Variants in FRY observed in about 807,000 individuals in gnomAD.
FRY encodes the protein FRY microtubule binding protein, also known as protein furry homolog.
A neutral mutation model predicts 348.4 loss-of-function variants in FRY; 128 were observed. The ratio of observed to expected loss-of-function variants is 0.37; its 90% CI spans 0.32 to 0.43. The LOEUF (loss-of-function observed/expected upper bound fraction) is 0.43, where lower values mean the gene tolerates loss of function less well. FRY is among the 20% of genes least tolerant of loss of function. The pLI, the probability that FRY is intolerant of heterozygous loss-of-function variation, is 1.00. For missense variants in FRY, 2,736 were observed against 3,695.2 expected, an observed-to-expected ratio of 0.74 and a Z score of 6.73; for synonymous variants, 1,370 against 1,374.7, an observed-to-expected ratio of 1.00 and a Z score of 0.08.
At chr13:32,208,536 C>T (rs1884489895) in intron 31 of FRY, among the ~76,000 whole-genome samples, 2 of 152,216 alleles carry the variant, frequency 1.3e-5, no homozygotes, top group South Asian at 4.1e-4. Flanking sequence ...ACATGCCCTT[C>T]TAACTCCAAG....
intron 7 of FRY, among the ~76,000 whole-genome samples, chr13:32,127,785 A>G (rs1198594929): frequency 6.6e-6 from 1 of 152,222 alleles, no homozygotes; most frequent in African/African-American, 2.4e-5. Flanking sequence ...TCTCAAAAAA[A>G]AAAGTAAAAG....
intron 2 of FRY, among the ~76,000 whole-genome samples, chr13:32,095,721 C>A (rs1876658796): frequency 6.6e-6 from 1 of 152,192 alleles, no homozygotes; most frequent in Non-Finnish European, 1.5e-5. Flanking sequence ...TGGGGTACTA[C>A]TCAAGAAAAT....
intron 58 of FRY, among the ~76,000 whole-genome samples, chr13:32,287,211 A>G (rs1398266768): frequency 6.6e-6 from 1 of 152,068 alleles, no homozygotes; most frequent in Non-Finnish European, 1.5e-5. Context: ...AAAAATTGTT[A>G]TAAAAAGTAA....
At chr13:32,167,447 A>C (rs1443732181) in intron 17 of FRY, among the ~76,000 whole-genome samples, 2 of 152,162 alleles carry the variant, frequency 1.3e-5, no homozygotes, top group African/African-American at 4.8e-5. Context: ...CTTTATCTTC[A>C]TATGGCATTA....
At chr13:32,206,830 T>G (rs950963581) in intron 31 of FRY, among the ~76,000 whole-genome samples, 3 of 152,218 alleles carry the variant, frequency 2.0e-5, no homozygotes, top group Non-Finnish European at 2.9e-5. Context: ...AACCCTGTGG[T>G]GAAATTTTTA....
rs551245452 is a variant in FRY at position 32,033,655 on chromosome 13, A to G, written c.70+1790A>G. ...TGAATTCTTCCAATTCATTCAGCAAATATTTATTGAATACCTACTATGTGC... is the reference window on the plus strand; with the variant it reads ...TGAATTCTTCCAATTCATTCAGCAAGTATTTATTGAATACCTACTATGTGC... On this transcript the variant is annotated intron_variant, in intron 1 of 60. Transcript: ENST00000542859. Among the ~76,000 whole-genome samples, 3 of 152,306 alleles carry G rather than the reference A, an allele frequency of 2.0e-5. No homozygotes were observed. The South Asian group carries it at 6.2e-4, about 32-fold the overall frequency.
intron 2 of FRY, among the ~76,000 whole-genome samples, chr13:32,088,241 A>G (rs964332591): frequency 1.3e-5 from 2 of 152,210 alleles, no homozygotes; most frequent in African/African-American, 4.8e-5. Flanking sequence ...AAGTAATTTC[A>G]TGTAGCTCCC....
At chr13:32,107,639 A>T (rs1877642884) in intron 3 of FRY, among the ~76,000 whole-genome samples, 1 of 152,200 alleles carries the variant, frequency 6.6e-6, no homozygotes, top group Admixed American at 6.5e-5. Flanking sequence ...CCTGCCCTAG[A>T]GGCCCCACCA....
chr13:32,251,859 C>G lies in FRY; in HGVS notation c.7171-19C>G. On this transcript the variant is annotated intron_variant, in intron 49 of 60. Transcript: ENST00000542859. Reference sequence around the variant, plus strand: ...TCACAGGAACCCATAATGAAACCTGCCTTGTGTTTCTTTTCCAGAAGAGAA... The same window carrying G: ...TCACAGGAACCCATAATGAAACCTGGCTTGTGTTTCTTTTCCAGAAGAGAA... 2 of 1,581,516 alleles carry G rather than the reference C, an allele frequency of 1.3e-6. No individual in the cohort carries two copies. The highest frequency in any genetic ancestry group is 1.7e-6 in the Non-Finnish European group (2 of 1,150,340).
In FRY at chr13:32,298,482, G is replaced by A. The variant is rs567301642; in HGVS notation, c.*3022G>A. On this transcript the variant is annotated 3_prime_UTR_variant, in exon 61 of 61. Coordinates refer to ENST00000542859, the MANE Select transcript of FRY (RefSeq NM_023037.3). Reference sequence around the variant, plus strand: ...AATATTTATTGCATGCCCACTCTGGGCTAGGCACTGTTTTAGAGGACACCG... The same window carrying A: ...AATATTTATTGCATGCCCACTCTGGACTAGGCACTGTTTTAGAGGACACCG... 7.2e-5 allele frequency: 11 copies of A among 152,324 alleles called. No individual in the cohort carries two copies. Among genetic ancestry groups the A allele is most frequent in the Non-Finnish European group, 1.3e-4 (9 of 68,044 alleles). The allele number at this position is 152,324 out of a possible 1,614,324, so 9.4% of individuals were successfully genotyped here.
At chr13:32,285,766 C>G (rs1188633393) in intron 58 of FRY, among the ~76,000 whole-genome samples, 1 of 152,176 alleles carries the variant, frequency 6.6e-6, no homozygotes, top group Admixed American at 6.5e-5. Context: ...ACGTTTCAGT[C>G]ATATTTGATG....
Position 32,295,623 on chromosome 13 carries a change from A to G in FRY, c.*163A>G. 1.5e-6 allele frequency: 1 copy of G among 666,876 alleles called. No individual in the cohort carries two copies. The highest frequency in any genetic ancestry group is 2.7e-6 in the Non-Finnish European group (1 of 377,238). 41.3% of individuals were successfully genotyped at this position (666,876 alleles called of 1,614,324 possible). A position where few individuals can be genotyped will look rare whatever the true frequency, so the allele number is the denominator to read the frequency against. On this transcript the variant is annotated 3_prime_UTR_variant, in exon 61 of 61. Coordinates refer to ENST00000542859, the MANE Select transcript of FRY (RefSeq NM_023037.3). ...GAGGATGGCAGAACTTCCAACGTGT[A>G]GCAATACTATAAGAACCAAGGTAGC...
chr13:32,155,553 G>A lies in FRY; in HGVS notation c.1542G>A (p.Gly514=). Residue 514 remains glycine (G), a synonymous_variant, in exon 15 of 61, where the codon GGG becomes GGA. Transcript: ENST00000542859. ...CTGATAGCTTGCAGCAGAAAGATGG[G>A]GAACCTCCCATGCCGGTTACAGGAG... is the stretch of plus-strand genomic sequence containing the variant. ...VIADSLQQKD[G]EPPMPVTGAV... is the part of the protein sequence containing the mutation. 1 of 1,613,120 alleles carries A rather than the reference G, an allele frequency of 6.2e-7. No homozygotes were observed. The highest frequency in any genetic ancestry group is 1.1e-5 in the South Asian group (1 of 91,054).
chr13:32,241,013 T>A (rs1238354597), intron 46 of FRY, among the ~76,000 whole-genome samples: 1 of 152,188 alleles, frequency 6.6e-6, no homozygotes, highest in African/African-American at 2.4e-5. Flanking sequence ...CAGCCCAGGA[T>A]TCACTTGCTA....
chr13:32,219,304 T>G (rs967079906), intron 36 of FRY, among the ~76,000 whole-genome samples: 39 of 149,142 alleles, frequency 2.6e-4, no homozygotes, highest in African/African-American at 9.5e-4. Flanking sequence ...TTAACCAGGA[T>G]GGTCTCGATC....
intron 36 of FRY, among the ~76,000 whole-genome samples, chr13:32,221,315 A>G (rs1346023157): frequency 6.6e-6 from 1 of 152,196 alleles, no homozygotes; most frequent in Non-Finnish European, 1.5e-5. Flanking sequence ...ATGTTATTAT[A>G]AAATTGCCTA....
At position 32,184,632 on chromosome 13, in the gene FRY, A is replaced by T. The variant is rs1882913485; in HGVS notation, c.3087A>T (p.Leu1029Phe). ...NKKRRERRDL[L>F]RLQLLRIFEL... ...AACGCCGAGAACGGCGAGACTTGTT[A>T]AGGCTACAACTACTTCGAATTTTTG... Residue 1029 changes from leucine (L) to phenylalanine (F), a missense_variant, in exon 25 of 61, where the codon TTA (leucine) becomes TTT (phenylalanine). This residue lies in a region of FRY where 449 missense variants were observed against 576.9 expected (regional missense o/e 0.78). Coordinates refer to ENST00000542859, the MANE Select transcript of FRY (RefSeq NM_023037.3). 6.2e-7 allele frequency: 1 copy of T among 1,613,610 alleles called. No homozygotes were observed. The highest frequency in any genetic ancestry group is 8.5e-7 in the Non-Finnish European group (1 of 1,179,446).
At chr13:32,135,808 G>A (rs1055592554) in intron 10 of FRY, among the ~76,000 whole-genome samples, 3 of 152,190 alleles carry the variant, frequency 2.0e-5, no homozygotes, top group Non-Finnish European at 4.4e-5. Context: ...GTTGTTTAGG[G>A]ATCTGGTTAC....
At chr13:32,105,793 A>G (rs1877498333) in intron 3 of FRY, among the ~76,000 whole-genome samples, 1 of 152,130 alleles carries the variant, frequency 6.6e-6, no homozygotes, top group South Asian at 2.1e-4. Context: ...TATTTGTATC[A>G]AGTTCTTTCT....
Sources: gnomAD v4.1 joint callset for allele counts (sites outside exome capture counted in the v4.1 genomes callset) on GRCh38, gnomAD v4.1.1 for gene constraint, gnomAD v4.1.1 regional missense constraint, MANE v1.5 for transcripts, NCBI Gene and HGNC (gene_info 2026-07-23, HGNC 2026-07-21) for gene names.